Variants in LRP12 observed in about 807,000 individuals in gnomAD.
The protein encoded by LRP12 is low-density lipoprotein receptor-related protein 12.
Under a neutral mutation model 66.0 loss-of-function variants are expected in LRP12, and 14 were observed. The ratio of observed to expected loss-of-function variants is 0.21; its 90% CI spans 0.14 to 0.33. The LOEUF is 0.33. Among genes scored for constraint, LRP12 ranks in the 10% least tolerant of loss-of-function variants. LRP12 has a pLI of 1.00. For synonymous variants in LRP12, 357 were observed against 359.1 expected, an observed-to-expected ratio of 0.99 and a Z score of 0.07; for missense variants, 889 against 1,053.4, an observed-to-expected ratio of 0.84 and a Z score of 2.16.
At chr8:104,504,224 T>C (rs1357935854) in intron 3 of LRP12, 1 of 152,076 alleles carries the variant, frequency 6.6e-6, no homozygotes, top group Non-Finnish European at 1.5e-5. Context: ...TACAGACACT[T>C]TTGCTCTTTT....
intron 2 of LRP12, among the ~76,000 whole-genome samples, chr8:104,519,862 T>C (rs1811121827): frequency 6.6e-6 from 1 of 152,048 alleles, no homozygotes; most frequent in South Asian, 2.1e-4. Flanking sequence ...AATATATTTA[T>C]TCATATTATT....
At chr8:104,547,013 GTATATAA>G (rs1811574854) in intron 1 of LRP12, among the ~76,000 whole-genome samples, 2 of 139,132 alleles carry the variant, frequency 1.4e-5, no homozygotes, top group African/African-American at 5.4e-5. Flanking sequence ...TATATATTCT[GTATATAA>G]TATATAATTA....
At chr8:104,535,481 C>T (rs1471297744) in intron 1 of LRP12, among the ~76,000 whole-genome samples, 1 of 151,920 alleles carries the variant, frequency 6.6e-6, no homozygotes, top group African/African-American at 2.4e-5. Context: ...ATCCCTGTTG[C>T]TTTATTAACT....
intron 1 of LRP12, among the ~76,000 whole-genome samples, chr8:104,537,574 G>A (rs898578574): frequency 2.6e-5 from 4 of 152,096 alleles, no homozygotes; most frequent in Non-Finnish European, 5.9e-5. Flanking sequence ...TAGGAGTAGA[G>A]CTAACTGCCA....
intron 1 of LRP12, among the ~76,000 whole-genome samples, chr8:104,559,478 G>A (rs371691970): frequency 2.6e-5 from 4 of 152,034 alleles, no homozygotes; most frequent in East Asian, 1.9e-4. Flanking sequence ...AGGGGTGAGC[G>A]ATAAAAGACT....
rs1423820629 is a variant in LRP12 at position 104,498,071 on chromosome 8, A to G, written c.481T>C (p.Ser161Pro). 1 of 1,586,826 alleles carries G rather than the reference A, an allele frequency of 6.3e-7. No homozygotes were observed. The highest frequency in any genetic ancestry group is 8.6e-7 in the Non-Finnish European group (1 of 1,166,124). ...TCACAAGCACAATTTGGTTCCTCAG[A>G]TTTCCCTGTGAAGATGTGAGTAGAA... ...GFRLAYFSGK[S>P]EEPNCACDQF... is the part of the protein sequence containing the mutation. Residue 161 changes from serine (S) to proline (P), a missense_variant, in exon 5 of 7, where the codon TCT (serine) becomes CCT (proline). Physicochemically the swap from Ser to Pro is moderately conservative, Grantham distance 74 (BLOSUM62 -1). Coordinates refer to ENST00000276654, the MANE Select transcript of LRP12 (RefSeq NM_013437.5).
At chr8:104,495,534 C>T (rs554635638) in intron 5 of LRP12, 14 of 185,848 alleles carry the variant, frequency 7.5e-5, no homozygotes, top group East Asian at 2.5e-4. Flanking sequence ...ACTGAATATA[C>T]GTTGAAGCCA....
At chr8:104,525,108 A>G (rs547151318) in intron 2 of LRP12, among the ~76,000 whole-genome samples, 1 of 152,206 alleles carries the variant, frequency 6.6e-6, no homozygotes, top group East Asian at 1.9e-4. Flanking sequence ...TCATGTATGC[A>G]ATTAAATTAC....
intron 1 of LRP12, among the ~76,000 whole-genome samples, chr8:104,533,839 C>A (rs1354361844): frequency 6.6e-6 from 1 of 151,886 alleles, no homozygotes; most frequent in Admixed American, 6.6e-5. Context: ...AACATGAAAT[C>A]TTTTTTCCAG....
chr8:104,513,831 T>C (rs1811033447), intron 2 of LRP12, among the ~76,000 whole-genome samples: 1 of 152,178 alleles, frequency 6.6e-6, no homozygotes, highest in Non-Finnish European at 1.5e-5. Flanking sequence ...TTTCATCCAC[T>C]TTTACAATTT....
chr8:104,561,382 A>T (rs11992473), intron 1 of LRP12, among the ~76,000 whole-genome samples: 1,982 of 152,276 alleles, frequency 0.013, 47 homozygotes, highest in African/African-American at 0.044. Context: ...GGTAGGGCAG[A>T]CTGATTCCTC....
chr8:104,566,934 T>C (rs1812013484), intron 1 of LRP12, among the ~76,000 whole-genome samples: 1 of 152,020 alleles, frequency 6.6e-6, no homozygotes, highest in Admixed American at 6.5e-5. Flanking sequence ...TGTGATCTTA[T>C]GTATGTAAAG....
At chr8:104,552,573 C>A (rs181386740) in intron 1 of LRP12, among the ~76,000 whole-genome samples, 2 of 152,040 alleles carry the variant, frequency 1.3e-5, no homozygotes, top group Non-Finnish European at 2.9e-5. Flanking sequence ...CTTAAGTCAT[C>A]TCATAGCTTA....
At chr8:104,539,842 T>C (rs1418013838) in intron 1 of LRP12, among the ~76,000 whole-genome samples, 2 of 152,134 alleles carry the variant, frequency 1.3e-5, no homozygotes, top group Non-Finnish European at 2.9e-5. Flanking sequence ...AAATCTGATA[T>C]GCTGTAGCCT....
At chr8:104,544,745 C>G (rs1239939805) in intron 1 of LRP12, among the ~76,000 whole-genome samples, 2 of 152,134 alleles carry the variant, frequency 1.3e-5, no homozygotes, top group Non-Finnish European at 2.9e-5. Context: ...AAAAAAGATT[C>G]CTTTCAAAAT....
chr8:104,501,987 A>C (rs1810834451), intron 3 of LRP12, among the ~76,000 whole-genome samples: 1 of 152,140 alleles, frequency 6.6e-6, no homozygotes, highest in Non-Finnish European at 1.5e-5. Context: ...GATTTATATA[A>C]ATTTTCGTGT....
chr8:104,549,070 C>A (rs1312791900), intron 1 of LRP12, among the ~76,000 whole-genome samples: 1 of 152,152 alleles, frequency 6.6e-6, no homozygotes, highest in East Asian at 1.9e-4. Context: ...TTTGCTTCAA[C>A]TTCAGACCTT....
chr8:104,527,689 A>T (rs1016298764), intron 2 of LRP12, among the ~76,000 whole-genome samples: 1 of 151,970 alleles, frequency 6.6e-6, no homozygotes, highest in Non-Finnish European at 1.5e-5. Flanking sequence ...TTGTGGGGTA[A>T]GGGGAGCGAG....
intron 2 of LRP12, among the ~76,000 whole-genome samples, chr8:104,512,687 T>C (rs1564132747): frequency 2.0e-5 from 3 of 152,274 alleles, no homozygotes; most frequent in South Asian, 4.1e-4. Flanking sequence ...TTTATTAGGT[T>C]TTGTTTTAGG....
Sources: gnomAD v4.1 joint callset for allele counts (sites outside exome capture counted in the v4.1 genomes callset) on GRCh38, gnomAD v4.1.1 for gene constraint, MANE v1.5 for transcripts, NCBI Gene and HGNC (gene_info 2026-07-23, HGNC 2026-07-21) for gene names.